The following TNC variants were observed in gnomAD, a reference collection of about 807,000 sequenced individuals.
TNC encodes tenascin C.
A neutral mutation model predicts 202.4 loss-of-function variants in TNC; 109 were observed. The ratio of observed to expected loss-of-function variants is 0.54; its 90% CI spans 0.46 to 0.63. TNC has a LOEUF of 0.63. TNC is among the 30% of genes least tolerant of loss of function. The pLI is 0.00. For synonymous variants in TNC, 1,007 were observed against 1,089.7 expected, an observed-to-expected ratio of 0.92 and a Z score of 1.50; for missense variants, 2,756 against 2,833.3, an observed-to-expected ratio of 0.97 and a Z score of 0.62.
At chr9:115,073,565 T>C (rs1459400644) in intron 10 of TNC, 38 bp downstream of exon 10, 2 of 1,592,754 alleles carry the variant, frequency 1.3e-6, no homozygotes, top group Non-Finnish European at 1.7e-6. Flanking sequence ...AACCTCAGAA[T>C]CAACCTAGAG....
chr9:115,064,595 G>A (rs1210712194), intron 11 of TNC, 52 bp downstream of exon 11: 9 of 1,544,442 alleles, frequency 5.8e-6, no homozygotes, highest in Non-Finnish European at 7.0e-6. Flanking sequence ...TTATTCATGG[G>A]CAGTTTCCTG....
At chr9:115,080,396 C>G (rs1001223635) in intron 6 of TNC, among the ~76,000 whole-genome samples, 8 of 152,020 alleles carry the variant, frequency 5.3e-5, no homozygotes, top group African/African-American at 1.9e-4. Flanking sequence ...AAAACACTTG[C>G]TTATGAAAGA....
intron 7 of TNC, 87 bp from the exon 8 acceptor site, chr9:115,076,662 T>C: frequency 2.1e-6 from 3 of 1,432,130 alleles, no homozygotes; most frequent in Non-Finnish European, 2.9e-6. Flanking sequence ...ATATGAAACG[T>C]GCCTGGAACT....
At chr9:115,090,419 G>C in intron 2 of TNC, 143 bp downstream of exon 2, 1 of 642,212 alleles carries the variant, frequency 1.6e-6, no homozygotes. Flanking sequence ...ACACTTATTT[G>C]AACATAAAAT....
chr9:115,078,183 T>C lies in TNC; in HGVS notation c.2434A>G (p.Lys812Glu), dbSNP rs781331873. Residue 812 changes from lysine to glutamate, a missense_variant, in exon 7 of 28, where the codon AAA becomes GAA. Transcript: ENST00000350763. ...RLDAPSQIEVKDVTDTTALIT... is the reference protein window; with the variant it reads ...RLDAPSQIEVEDVTDTTALIT... ...AAGGCAGTGGTGTCTGTGACATCTT[T>C]CACCTCGATCTGGCTGGGGGCATCC... The C allele has an allele frequency of 5.0e-6, 8 of 1,610,082 alleles. No homozygotes were observed. The East Asian group carries it at 1.6e-4, about 31-fold the overall frequency.
intron 1 of TNC, among the ~76,000 whole-genome samples, chr9:115,108,381 T>C (rs2134237167): frequency 6.6e-6 from 1 of 152,340 alleles, no homozygotes; most frequent in Non-Finnish European, 1.5e-5. Context: ...GATGATGCAC[T>C]CTACTTCCCT....
chr9:115,064,584 A>T, intron 11 of TNC, 63 bp downstream of exon 11: 2 of 1,528,990 alleles, frequency 1.3e-6, no homozygotes, highest in Non-Finnish European at 1.8e-6. Flanking sequence ...GTCGTGTCTG[A>T]TTATTCATGG....
chr9:115,096,844 A>AT (rs1835834331), intron 1 of TNC, among the ~76,000 whole-genome samples: 1 of 152,110 alleles, frequency 6.6e-6, no homozygotes, highest in East Asian at 1.9e-4. Flanking sequence ...GTTAAGAAAT[A>AT]TTTTTTTCTT....
At position 115,021,283 on chromosome 9, in the gene TNC, A is replaced by AG. The variant is rs774213461; in HGVS notation, c.6496-17_6496-16insC. 3,886 of 1,099,136 alleles carry AG rather than the reference A, an allele frequency of 3.5e-3. No individual in the cohort carries two copies. Among genetic ancestry groups the AG allele is most frequent in the Admixed American group, 5.2e-3 (224 of 42,982 alleles). The allele number at this position is 1,099,136 out of a possible 1,614,324, so 68.1% of individuals were successfully genotyped here. On this transcript the variant is annotated splice_polypyrimidine_tract_variant and intron_variant, in intron 27 of 27. Coordinates refer to ENST00000350763, the MANE Select transcript of TNC (RefSeq NM_002160.4). ...AGTTAACGCCCTGTTAAAAAAAAAA[A>AG]AGAGAGAGAGAGAGAGAGAGAGAAG...
In TNC at chr9:115,091,171, A is replaced by G; in HGVS notation, c.-136-17T>C. 1 of 645,348 alleles carries G rather than the reference A, an allele frequency of 1.5e-6. No homozygotes were observed. The highest frequency in any genetic ancestry group is 2.9e-5 in the Admixed American group (1 of 34,050). 40.0% of individuals were successfully genotyped at this position (645,348 alleles called of 1,614,324 possible). On this transcript the variant is annotated splice_polypyrimidine_tract_variant and intron_variant, in intron 1 of 27. Transcript: ENST00000350763. ...AATTATTTTCTACAAGCAAAGATGA[A>G]CAAAAAAATTATGAGTATCTACTAT...
chr9:115,067,239 T>G (rs534529849), intron 10 of TNC, among the ~76,000 whole-genome samples: 2 of 152,328 alleles, frequency 1.3e-5, no homozygotes, highest in South Asian at 4.1e-4. Flanking sequence ...TTCTCAAATA[T>G]TTCAGCAGTC....
At chr9:115,062,823 T>G in intron 13 of TNC, 94 bp downstream of exon 13, 2 of 1,390,270 alleles carry the variant, frequency 1.4e-6, no homozygotes, top group Non-Finnish European at 1.9e-6. Flanking sequence ...GTCAACAACA[T>G]TGGGGTAGGA....
In TNC at chr9:115,090,771, G is replaced by T; in HGVS notation, c.248C>A (p.Pro83His). The change falls in exon 2 of 28, where the codon CCC becomes CAC. Residue 83 changes from proline to histidine, a missense_variant. Coordinates refer to ENST00000350763, the MANE Select transcript of TNC (RefSeq NM_002160.4). ...TGTGTGCTCCTGAAAGCTTTCGCTGGGCTCTGAAGGCGGTGCCAGGTCTTT... is the reference window on the plus strand; with the variant it reads ...TGTGTGCTCCTGAAAGCTTTCGCTGTGCTCTGAAGGCGGTGCCAGGTCTTT... ...GEKDLAPPSE[P>H]SESFQEHTVD... The T allele has an allele frequency of 6.2e-7, 1 of 1,614,178 alleles. No homozygotes were observed. Among genetic ancestry groups the T allele is most frequent in the Non-Finnish European group, 8.5e-7 (1 of 1,180,034 alleles).
intron 19 of TNC, among the ~76,000 whole-genome samples, chr9:115,040,076 A>G (rs895497823): frequency 1.3e-5 from 2 of 152,122 alleles, no homozygotes; most frequent in African/African-American, 4.8e-5. Context: ...CTGAAGAGAA[A>G]TTTTCCACTT....
At chr9:115,038,419 G>A (rs371947017) in intron 19 of TNC, 39 bp from the exon 20 acceptor site, 49 of 1,608,978 alleles carry the variant, frequency 3.0e-5, no homozygotes, top group Admixed American at 6.7e-5. Context: ...AAGTCATTGG[G>A]TGGGACATCA....
chr9:115,021,646 T>G (rs772335049), intron 27 of TNC, among the ~76,000 whole-genome samples: 1 of 151,758 alleles, frequency 6.6e-6, no homozygotes, highest in African/African-American at 2.4e-5. Context: ...ACATACATGG[T>G]GTGTGTGTGT....
At chr9:115,099,879 T>C (rs563552954) in intron 1 of TNC, among the ~76,000 whole-genome samples, 2 of 152,306 alleles carry the variant, frequency 1.3e-5, no homozygotes, top group Non-Finnish European at 2.9e-5. Context: ...GTATAAATCT[T>C]AGTATTTCAA....
In TNC at chr9:115,059,855, G is replaced by A. The variant is rs781057573; in HGVS notation, c.4181C>T (p.Thr1394Met). 12 of 1,613,956 alleles carry A rather than the reference G, an allele frequency of 7.4e-6. No individual in the cohort carries two copies. In the South Asian group the frequency reaches 8.8e-5, roughly 12 times the overall value. ...CACAGCCCTGAGGCTGCCAGGCAAC[G>A]TGAGGTTCTGGGCTGCCTCCACTTT... ...VNKVEAAQNLTLPGSLRAVDI... is the reference protein window; with the variant it reads ...VNKVEAAQNLMLPGSLRAVDI... The change falls in exon 14 of 28, where the codon ACG becomes ATG. Residue 1394 changes from threonine (T) to methionine (M), a missense_variant. Coordinates refer to ENST00000350763, the MANE Select transcript of TNC (RefSeq NM_002160.4).
chr9:115,063,699 G>A, intron 12 of TNC, 97 bp downstream of exon 12: 6 of 1,302,456 alleles, frequency 4.6e-6, no homozygotes, highest in Non-Finnish European at 6.4e-6. Context: ...CCCCAATGTG[G>A]TAGGAGCTGA....
Sources: gnomAD v4.1 joint callset for allele counts (sites outside exome capture counted in the v4.1 genomes callset) on GRCh38, gnomAD v4.1.1 for gene constraint, MANE v1.5 for transcripts, NCBI Gene and HGNC (gene_info 2026-07-23, HGNC 2026-07-21) for gene names.